Variants in RPAP1 observed in about 807,000 individuals in gnomAD.
RPAP1 encodes the protein RNA polymerase II associated protein 1, also known as RNA polymerase II-associated protein 1.
RPAP1 carries 109 observed loss-of-function variants against 142.4 expected under a neutral mutation model. The observed-to-expected ratio is 0.77, with a 90% CI of 0.66 to 0.90. The LOEUF is 0.90. Among genes scored for constraint, RPAP1 ranks in the 40% least tolerant of loss-of-function variants. The pLI is 0.00. For missense variants in RPAP1, 1,546 were observed against 1,751.7 expected (o/e 0.88, Z 2.10); for synonymous variants, 704 against 738.9 (o/e 0.95, Z 0.77).
chr15:41,524,473 C>CTTT (rs397956859), intron 15 of RPAP1, among the ~76,000 whole-genome samples: 8 of 127,958 alleles, frequency 6.3e-5, no homozygotes, highest in African/African-American at 1.2e-4. Context: ...GATACCAATG[C>CTTT]TTTTTTTTTT....
At position 41,518,148 on chromosome 15, in the gene RPAP1, G is replaced by A. The variant is rs143200208; in HGVS notation, c.3830C>T (p.Pro1277Leu). The A allele has an allele frequency of 4.8e-4, 762 of 1,592,036 alleles. 3 individuals carry two copies. The African/African-American group carries it at 9.3e-3, about 19-fold the overall frequency. Residue 1277 changes from proline to leucine, a missense_variant, in exon 23 of 25, where the codon CCT (proline) becomes CTT (leucine). Transcript: ENST00000304330. ...PVSLECYTVP[P>L]EDNLALLQLY... ...CTGAAGGAGGGCCAGGTTGTCTTCA[G>A]GAGGCACTGTGTAACACTCCAGGGA...
chr15:41,538,021 AT>A (rs2051930591), intron 1 of RPAP1, among the ~76,000 whole-genome samples: 1 of 152,124 alleles, frequency 6.6e-6, no homozygotes, highest in South Asian at 2.1e-4. Flanking sequence ...AGGCGTGTGG[AT>A]TATGAGGTCA....
Position 41,528,006 on chromosome 15 carries a change from C to T in RPAP1, c.1282G>A (p.Asp428Asn). The part of the protein sequence containing the change: ...ISRAQAGEFG[D>N]RLAGSVLSLL... ...CTTAAGACACTGCCTGCTAGCCGGTCCCCAAACTCACCAGCCTGGGCCTGA... is the reference window on the plus strand; with the variant it reads ...CTTAAGACACTGCCTGCTAGCCGGTTCCCAAACTCACCAGCCTGGGCCTGA... Residue 428 changes from aspartate (D) to asparagine (N), a missense_variant, in exon 11 of 25, where the codon GAC becomes AAC. By Grantham distance (23) the Asp-to-Asn change is conservative. Coordinates refer to ENST00000304330, the MANE Select transcript of RPAP1 (RefSeq NM_015540.4). 1 of 1,613,962 alleles carries T rather than the reference C, an allele frequency of 6.2e-7. No homozygotes were observed. The highest frequency in any genetic ancestry group is 8.5e-7 in the Non-Finnish European group (1 of 1,179,960).
At chr15:41,543,546 T>G (rs2051991710) in intron 1 of RPAP1, among the ~76,000 whole-genome samples, 1 of 152,086 alleles carries the variant, frequency 6.6e-6, no homozygotes, top group African/African-American at 2.4e-5. Context: ...TCCACAACTG[T>G]AAAATGTGAG....
chr15:41,529,804 C>G, intron 8 of RPAP1, 60 bp downstream of exon 8: 3 of 1,244,120 alleles, frequency 2.4e-6, no homozygotes, highest in South Asian at 2.9e-5. Context: ...AGGGCAAGAG[C>G]AGCAGCTCCT....
chr15:41,542,407 A>G (rs1184511368), intron 1 of RPAP1, among the ~76,000 whole-genome samples: 1 of 152,220 alleles, frequency 6.6e-6, no homozygotes, highest in Non-Finnish European at 1.5e-5. Context: ...AAAAATCCCT[A>G]AAGGTTAAAA....
chr15:41,533,584 AGCACTTTGGGAG>A (rs2051876866), intron 6 of RPAP1, among the ~76,000 whole-genome samples: 2 of 152,152 alleles, frequency 1.3e-5, no homozygotes. Context: ...CTGTAATCCC[AGCACTTTGGGAG>A]GCACTTTGAT....
rs549262391 is a variant in RPAP1, at chr15:41,542,845, C to T, written c.-77+1374G>A. On this transcript the variant is annotated intron_variant, in intron 1 of 24. Transcript: ENST00000304330. Reference sequence around the variant, plus strand: ...TTTATATAGCCAAAGGGCAGATAACCATATCTAATTGTTGGGCAGTCTGAC... The same window carrying T: ...TTTATATAGCCAAAGGGCAGATAACTATATCTAATTGTTGGGCAGTCTGAC... Among the ~76,000 whole-genome samples the T allele has an allele frequency of 2.6e-5, 4 of 152,194 alleles. No individual in the cohort carries two copies. In the South Asian group the frequency reaches 8.3e-4, roughly 32 times the overall value.
chr15:41,518,902 C>CT (rs903936797), intron 22 of RPAP1, among the ~76,000 whole-genome samples: 36 of 152,256 alleles, frequency 2.4e-4, no homozygotes, highest in Admixed American at 7.9e-4. Flanking sequence ...ACAATAACTT[C>CT]TTTTTTTAAT....
chr15:41,528,160 G>T (rs1416920861), intron 10 of RPAP1, 75 bp downstream of exon 10: 30 of 1,512,896 alleles, frequency 2.0e-5, no homozygotes, highest in Non-Finnish European at 2.3e-5. Flanking sequence ...AGAGTGAAAA[G>T]GGCAGGAGAT....
Position 41,520,498 on chromosome 15 carries a change from C to T in RPAP1, c.3688G>A (p.Ala1230Thr), listed in dbSNP as rs746427320. 7.4e-6 allele frequency: 12 copies of T among 1,614,062 alleles called. No individual in the cohort carries two copies. The highest frequency in any genetic ancestry group is 4.5e-5 in the East Asian group (2 of 44,870). The change falls in exon 22 of 25, where the codon GCC becomes ACC. Residue 1230 changes from alanine (A) to threonine (T), a missense_variant. Ala to Thr is a moderately conservative substitution (Grantham distance 58). Transcript: ENST00000304330. ...CGCTGCAGGGGCAGGAGGACCAGGG[C>T]CCCAAAGAGGTGGTCCCCAAAAGAG... ...AVSFGDHLFG[A>T]LVLLPLQRRF...
At chr15:41,524,871 C>T (rs2051773215) in intron 15 of RPAP1, 120 bp downstream of exon 15, 2 of 1,020,980 alleles carry the variant, frequency 2.0e-6, no homozygotes, top group East Asian at 5.3e-5. Context: ...CAGAAGCCCT[C>T]CCACTCATTC....
rs1215396726 is a variant in RPAP1, at chr15:41,520,790, G to T, written c.3396C>A (p.Val1132=). Residue 1132 remains valine (V), a synonymous_variant, in exon 22 of 25, where the codon GTC becomes GTA. Transcript: ENST00000304330. ...TCTCCAAAACTAGCACCCACTGCAG[G>T]ACCCGCATGGCTGTGCCCATGGTGT... ...PTDTMGTAMR[V]LQWVLVLESW... 1 of 1,613,732 alleles carries T rather than the reference G, an allele frequency of 6.2e-7. No homozygotes were observed. Among genetic ancestry groups the T allele is most frequent in the African/African-American group, 1.3e-5 (1 of 74,944 alleles).
rs1258335944 is a variant in RPAP1 at position 41,536,614 on chromosome 15, G to T, written c.217C>A (p.Pro73Thr). Residue 73 changes from proline (P) to threonine (T), a missense_variant, in exon 3 of 25, where the codon CCT (proline) becomes ACT (threonine). By Grantham distance (38) the Pro-to-Thr change is conservative. Around this residue, in one of 3 missense-constraint regions of RPAP1, gnomAD observed 1,333 missense variants for 1,486.6 expected, o/e 0.90. Coordinates refer to ENST00000304330, the MANE Select transcript of RPAP1 (RefSeq NM_015540.4). ...PDLPPALVPS[P>T]PKRARPSPGH... The stretch of plus-strand genomic sequence containing the variant: ...GGGCTGGGCCTGGCTCTCTTTGGAG[G>T]AGAAGGGACCAAAGCTGGGGGCAAA... The T allele has an allele frequency of 3.1e-6, 5 of 1,613,984 alleles. No homozygotes were observed. The highest frequency in any genetic ancestry group is 1.7e-5 in the Admixed American group (1 of 59,990).
intron 1 of RPAP1, among the ~76,000 whole-genome samples, chr15:41,542,726 G>A (rs929148204): frequency 1.3e-5 from 2 of 152,136 alleles, no homozygotes; most frequent in African/African-American, 4.8e-5. Flanking sequence ...GAAGATAACT[G>A]TACCTACCTC....
intron 7 of RPAP1, among the ~76,000 whole-genome samples, chr15:41,530,749 C>T (rs565590083): frequency 2.6e-5 from 4 of 152,178 alleles, no homozygotes; most frequent in South Asian, 2.1e-4. Flanking sequence ...GATAGTCTGC[C>T]GGGAGCGGGT....
chr15:41,541,355 G>A (rs918679867), intron 1 of RPAP1, among the ~76,000 whole-genome samples: 1 of 151,416 alleles, frequency 6.6e-6, no homozygotes, highest in Non-Finnish European at 1.5e-5. Context: ...CCCAGGAGGT[G>A]GAGGTTGCAG....
rs749375264 is a variant in RPAP1 at position 41,521,729 on chromosome 15, A to G, written c.3038+9T>C. ...AGGGCTGAGTTGATGCCACCAACCA[A>G]GCACTTACGGGAGGAACTCCAGCCG... On this transcript the variant is annotated intron_variant, in intron 21 of 24. Transcript: ENST00000304330. 2.5e-6 allele frequency: 4 copies of G among 1,613,740 alleles called. No homozygotes were observed. Among genetic ancestry groups the G allele is most frequent in the Non-Finnish European group, 3.4e-6 (4 of 1,179,918 alleles).
chr15:41,527,384 C>T, intron 12 of RPAP1, 39 bp downstream of exon 12: 1 of 1,613,240 alleles, frequency 6.2e-7, no homozygotes, highest in Non-Finnish European at 8.5e-7. Flanking sequence ...ATGTGCTTGT[C>T]CCCTGGGCCA....
Sources: gnomAD v4.1 joint callset for allele counts (sites outside exome capture counted in the v4.1 genomes callset) on GRCh38, gnomAD v4.1.1 for gene constraint, gnomAD v4.1.1 regional missense constraint, MANE v1.5 for transcripts, NCBI Gene and HGNC (gene_info 2026-07-23, HGNC 2026-07-21) for gene names.